Variants in ATXN1 observed in about 807,000 individuals in gnomAD.
The protein encoded by ATXN1 is ataxin-1.
ATXN1 carries 8 observed loss-of-function variants against 56.4 expected under a neutral mutation model. The observed-to-expected ratio is 0.14, with a 90% CI of 0.08 to 0.26. ATXN1 has a LOEUF of 0.26. ATXN1 is among the 10% of genes least tolerant of loss of function. The pLI is 1.00. For synonymous variants in ATXN1, 514 were observed against 494.6 expected (o/e 1.04, Z -0.52); for missense variants, 987 against 1,106.5 (o/e 0.89, Z 1.53).
rs1320281754 is a variant in ATXN1 at position 16,537,921 on chromosome 6, G to A, written c.-360-15233C>T. 2.6e-5 allele frequency among the ~76,000 whole-genome samples: 4 copies of A among 152,010 alleles called. No individual in the cohort carries two copies. The East Asian group carries it at 5.8e-4, about 22-fold the overall frequency. On this transcript the variant is annotated intron_variant, in intron 4 of 7. Transcript: ENST00000436367. ...AGTTTGAGACCAGCCTGGCCATCAT[G>A]GTGATACCCCATCTCTACTAAAAAT... is the stretch of plus-strand genomic sequence containing the variant.
At chr6:16,535,865 C>T (rs1443169956) in intron 4 of ATXN1, among the ~76,000 whole-genome samples, 1 of 152,180 alleles carries the variant, frequency 6.6e-6, no homozygotes, top group Non-Finnish European at 1.5e-5. Context: ...AAGTGACAAT[C>T]TGCCAATTTT....
chr6:16,550,722 G>A (rs182835761), intron 4 of ATXN1, among the ~76,000 whole-genome samples: 2 of 152,274 alleles, frequency 1.3e-5, no homozygotes, highest in Non-Finnish European at 2.9e-5. Context: ...CGAATGTCAA[G>A]TTCTATACAT....
At chr6:16,759,547 T>TTTG (rs1760999694) in intron 1 of ATXN1, among the ~76,000 whole-genome samples, 1 of 148,150 alleles carries the variant, frequency 6.7e-6, no homozygotes, top group Non-Finnish European at 1.5e-5. Context: ...TTTTTTTTTT[T>TTTG]TTTTTTTTTT....
At chr6:16,556,367 T>G (rs1011169867) in intron 4 of ATXN1, among the ~76,000 whole-genome samples, 1 of 152,226 alleles carries the variant, frequency 6.6e-6, no homozygotes, top group South Asian at 2.1e-4. Flanking sequence ...TTACTACATA[T>G]TCCTATAGCT....
At chr6:16,685,555 C>G (rs1339952418) in intron 2 of ATXN1, among the ~76,000 whole-genome samples, 4 of 152,158 alleles carry the variant, frequency 2.6e-5, no homozygotes, top group Non-Finnish European at 4.4e-5. Context: ...CAGCAGTACT[C>G]CCTGCTAGAA....
chr6:16,368,735 C>G (rs1357587896), intron 6 of ATXN1, among the ~76,000 whole-genome samples: 1 of 152,180 alleles, frequency 6.6e-6, no homozygotes. Flanking sequence ...AATGAACAGA[C>G]TTGAGAAAAT....
chr6:16,749,629 C>G (rs142387391), intron 2 of ATXN1, among the ~76,000 whole-genome samples: 14 of 152,270 alleles, frequency 9.2e-5, no homozygotes, highest in African/African-American at 3.4e-4. Context: ...CTCCTCCAGC[C>G]ACCCAGCCTC....
chr6:16,365,338 G>A (rs1272248437), intron 6 of ATXN1, among the ~76,000 whole-genome samples: 2 of 152,102 alleles, frequency 1.3e-5, no homozygotes, highest in Non-Finnish European at 2.9e-5. Flanking sequence ...CACCACGCCT[G>A]CCTAACTTTT....
chr6:16,750,142 TCACTGTTAGAA>T (rs1186843392), intron 2 of ATXN1: 1 of 152,242 alleles, frequency 6.6e-6, no homozygotes. Flanking sequence ...CTGAATTCCT[TCACTGTTAGAA>T]CACTGTTAGA....
chr6:16,510,486 AG>A (rs1343689739), intron 5 of ATXN1, among the ~76,000 whole-genome samples: 3 of 152,176 alleles, frequency 2.0e-5, no homozygotes, highest in Non-Finnish European at 4.4e-5. Flanking sequence ...GCTTATACCT[AG>A]CACTGTGGGA....
At chr6:16,462,752 C>T (rs574616776) in intron 6 of ATXN1, among the ~76,000 whole-genome samples, 21 of 152,276 alleles carry the variant, frequency 1.4e-4, no homozygotes, top group African/African-American at 4.8e-4. Context: ...GTTATCAGGC[C>T]TGCCCCTGGG....
chr6:16,649,946 G>GT (rs990989572), intron 3 of ATXN1, among the ~76,000 whole-genome samples: 1 of 143,628 alleles, frequency 7.0e-6, no homozygotes, highest in Admixed American at 7.1e-5. Context: ...GATAATTTCT[G>GT]TTTTGTTTTT....
intron 6 of ATXN1, among the ~76,000 whole-genome samples, chr6:16,484,667 G>C (rs1760505229): frequency 6.6e-6 from 1 of 152,016 alleles, no homozygotes; most frequent in African/African-American, 2.4e-5. Flanking sequence ...TTTCAATGAA[G>C]CACTGGGAAA....
At chr6:16,538,406 A>C (rs1259539382) in intron 4 of ATXN1, among the ~76,000 whole-genome samples, 2 of 152,032 alleles carry the variant, frequency 1.3e-5, no homozygotes, top group African/African-American at 4.8e-5. Flanking sequence ...TTCCAAAATA[A>C]TTGTTCTTTT....
At position 16,328,338 on chromosome 6, in the gene ATXN1, T is replaced by C. The variant is rs1391826468; in HGVS notation, c.-28A>G. 4.0e-6 allele frequency: 6 copies of C among 1,491,440 alleles called. No individual in the cohort carries two copies. Among genetic ancestry groups the C allele is most frequent in the Middle Eastern group, 1.9e-4 (1 of 5,178 alleles). 92.4% of individuals were successfully genotyped at this position (1,491,440 alleles called of 1,614,324 possible). On this transcript the variant is annotated 5_prime_UTR_variant, in exon 7 of 8. Coordinates refer to ENST00000436367, the MANE Select transcript of ATXN1 (RefSeq NM_001128164.2). The surrounding 1 kb of genome is among the most constrained non-coding windows in gnomAD (Gnocchi z 6.2). ...TTCGCCGTCCCCCCTCCACGGTGAC[T>C]GTTTCACTGTCTGGATGGCTCTGAT...
chr6:16,323,514 G>C (rs1209525416), intron 7 of ATXN1, among the ~76,000 whole-genome samples: 3 of 99,800 alleles, frequency 3.0e-5, no homozygotes, highest in African/African-American at 1.2e-4. Context: ...GACAGAGCAA[G>C]ACTCTGTCTC....
At chr6:16,537,111 C>T (rs186618849) in intron 4 of ATXN1, among the ~76,000 whole-genome samples, 94 of 151,226 alleles carry the variant, frequency 6.2e-4, no homozygotes, top group African/African-American at 2.2e-3. Context: ...GAAAACGTAC[C>T]TCTTGTGATT....
At chr6:16,429,023 T>G in intron 6 of ATXN1, among the ~76,000 whole-genome samples, 1 of 147,514 alleles carries the variant, frequency 6.8e-6, no homozygotes, top group Admixed American at 6.8e-5. Context: ...GGACATAGGC[T>G]GCCAGTGGAG....
At chr6:16,627,490 A>T (rs909311654) in intron 3 of ATXN1, among the ~76,000 whole-genome samples, 2 of 152,118 alleles carry the variant, frequency 1.3e-5, no homozygotes, top group African/African-American at 4.8e-5. Context: ...GCACTTTGGG[A>T]GGCCGAGGTG....
Sources: gnomAD v4.1 joint callset for allele counts (sites outside exome capture counted in the v4.1 genomes callset) on GRCh38, gnomAD v4.1.1 for gene constraint, Gnocchi (gnomAD v3.1) non-coding constraint, MANE v1.5 for transcripts, NCBI Gene and HGNC (gene_info 2026-07-23, HGNC 2026-07-21) for gene names.